Variants in ALDH18A1 observed in about 807,000 individuals in gnomAD.
ALDH18A1 encodes delta-1-pyrroline-5-carboxylate synthase.
A neutral mutation model predicts 88.8 loss-of-function variants in ALDH18A1; 44 were observed. The observed-to-expected ratio is 0.50, with a 90% CI of 0.39 to 0.64. The LOEUF (loss-of-function observed/expected upper bound fraction) is 0.64. ALDH18A1 is among the 30% of genes least tolerant of loss of function. The pLI, the probability that ALDH18A1 is intolerant of heterozygous loss-of-function variation, is 0.00. For missense variants in ALDH18A1, 782 were observed against 1,009.5 expected (o/e 0.77, Z 3.05); for synonymous variants, 331 against 372.1 (o/e 0.89, Z 1.27).
chr10:95,618,422 G>A (rs1224546290), intron 12 of ALDH18A1, among the ~76,000 whole-genome samples: 1 of 152,192 alleles, frequency 6.6e-6, no homozygotes, highest in African/African-American at 2.4e-5. Context: ...CTGGGTTCAA[G>A]TGATTCCCCT....
intron 13 of ALDH18A1, 52 bp from the exon 14 acceptor site, chr10:95,614,213 A>G (rs1314020343): frequency 6.4e-7 from 1 of 1,567,200 alleles, no homozygotes; most frequent in East Asian, 2.2e-5. Context: ...CACACAAAAT[A>G]TAAAAACAGC....
intron 2 of ALDH18A1, among the ~76,000 whole-genome samples, chr10:95,645,537 G>A (rs974697344): frequency 2.0e-5 from 3 of 152,174 alleles, no homozygotes; most frequent in Non-Finnish European, 2.9e-5. Context: ...ATGGGAAGGC[G>A]ACTATGGGTT....
intron 9 of ALDH18A1, 61 bp downstream of exon 9, chr10:95,627,377 TCTAA>T: frequency 1.3e-6 from 2 of 1,593,020 alleles, no homozygotes; most frequent in Admixed American, 1.7e-5. Flanking sequence ...TTTTGTGATC[TCTAA>T]CTAAGCCAGG....
chr10:95,641,907 G>A (rs191605226), intron 3 of ALDH18A1, among the ~76,000 whole-genome samples: 6 of 152,204 alleles, frequency 3.9e-5, no homozygotes, highest in Middle Eastern at 3.4e-3. Flanking sequence ...CTTCCAAAGC[G>A]CTGGGATTAC....
intron 2 of ALDH18A1, among the ~76,000 whole-genome samples, chr10:95,651,509 T>C (rs535975457): frequency 6.6e-6 from 1 of 152,338 alleles, no homozygotes. Context: ...GGCTCATAGT[T>C]CTGTGGGCTG....
intron 2 of ALDH18A1, among the ~76,000 whole-genome samples, chr10:95,652,513 A>G (rs2097911900): frequency 6.6e-6 from 1 of 152,138 alleles, no homozygotes. Context: ...AGGCGGGCAG[A>G]TCACCTGAGG....
chr10:95,637,245 G>C (rs766703747), intron 4 of ALDH18A1, 42 bp downstream of exon 4: 1 of 1,614,208 alleles, frequency 6.2e-7, no homozygotes, highest in East Asian at 2.2e-5. Context: ...GAGGGAAGAA[G>C]ACCTGAAGAT....
rs1366116777 is a variant in ALDH18A1 at position 95,653,380 on chromosome 10, T to C, written c.-3A>G. ...CAGCGGTAAACTTGACTCAACATGC[T>C]GCGATGTGGTCACTAACCAAAGTAT... On this transcript the variant is annotated 5_prime_UTR_variant, in exon 2 of 18. Transcript: ENST00000371224. 1 of 1,613,448 alleles carries C rather than the reference T, an allele frequency of 6.2e-7. No homozygotes were observed. The highest frequency in any genetic ancestry group is 8.5e-7 in the Non-Finnish European group (1 of 1,179,942).
chr10:95,651,447 C>T (rs2097910316), intron 2 of ALDH18A1, among the ~76,000 whole-genome samples: 1 of 152,162 alleles, frequency 6.6e-6, no homozygotes, highest in Non-Finnish European at 1.5e-5. Flanking sequence ...TCTTGCATTG[C>T]TGTAAAGAAA....
chr10:95,606,289 T>A lies in ALDH18A1; in HGVS notation c.*473A>T. 1.0e-6 allele frequency: 1 copy of A among 1,001,798 alleles called. No individual in the cohort carries two copies. The highest frequency in any genetic ancestry group is 1.7e-5 in the African/African-American group (1 of 57,562). The allele number at this position is 1,001,798 out of a possible 1,614,324, so 62.1% of individuals were successfully genotyped here. A position where few individuals can be genotyped will look rare whatever the true frequency, so the allele number is the denominator to read the frequency against. On this transcript the variant is annotated 3_prime_UTR_variant, in exon 18 of 18. Transcript: ENST00000371224. ...GATTTTTGTGACTTTCTGATGAGAA[T>A]GCTAAAAAGAAGAGTTGCCCCTTTT... is the stretch of plus-strand genomic sequence containing the variant.
Position 95,621,124 on chromosome 10 carries a change from G to T in ALDH18A1, c.1374C>A (p.Thr458=), listed in dbSNP as rs1392328763. Reference sequence around the variant, plus strand: ...CCAGTTCCAAGTTTTTGGCGATTCGGGTGCGGCGCAAAACACGTCCCACGC... The same window carrying T: ...CCAGTTCCAAGTTTTTGGCGATTCGTGTGCGGCGCAAAACACGTCCCACGC... The part of the protein sequence containing the change: ...QDSVGRVLRR[T]RIAKNLELEQ... The change falls in exon 12 of 18, where the codon ACC becomes ACA. Residue 458 remains threonine, a synonymous_variant. Coordinates refer to ENST00000371224, the MANE Select transcript of ALDH18A1 (RefSeq NM_002860.4). 1.2e-6 allele frequency: 2 copies of T among 1,613,986 alleles called. No individual in the cohort carries two copies. Among genetic ancestry groups the T allele is most frequent in the Non-Finnish European group, 8.5e-7 (1 of 1,180,008 alleles).
At chr10:95,648,894 T>C (rs2097905388) in intron 2 of ALDH18A1, among the ~76,000 whole-genome samples, 3 of 152,218 alleles carry the variant, frequency 2.0e-5, no homozygotes, top group Admixed American at 2.0e-4. Flanking sequence ...GACAGTTGTT[T>C]TAAGCTACGA....
At chr10:95,635,938 G>T (rs1289985000) in intron 5 of ALDH18A1, among the ~76,000 whole-genome samples, 1 of 151,738 alleles carries the variant, frequency 6.6e-6, no homozygotes, top group Admixed American at 6.6e-5. Flanking sequence ...GGACTGTGAA[G>T]AGAAACCAAA....
intron 6 of ALDH18A1, 115 bp from the exon 7 acceptor site, chr10:95,633,164 GA>G (rs2097873863): frequency 3.2e-6 from 3 of 927,136 alleles, no homozygotes; most frequent in Non-Finnish European, 5.2e-6. Flanking sequence ...CAAAACCAAT[GA>G]ACCCAAATAT....
At chr10:95,649,427 T>C (rs1007579855) in intron 2 of ALDH18A1, among the ~76,000 whole-genome samples, 4 of 148,224 alleles carry the variant, frequency 2.7e-5, no homozygotes, top group African/African-American at 1.0e-4. Context: ...CTATCTTGGC[T>C]CACTGCAAGC....
intron 3 of ALDH18A1, among the ~76,000 whole-genome samples, chr10:95,641,664 G>C (rs1356114591): frequency 6.6e-6 from 1 of 151,720 alleles, no homozygotes; most frequent in Non-Finnish European, 1.5e-5. Flanking sequence ...TTTGAGACAG[G>C]GTCTTGCTCT....
chr10:95,639,877 T>C (rs1178655570), intron 3 of ALDH18A1, among the ~76,000 whole-genome samples: 1 of 152,062 alleles, frequency 6.6e-6, no homozygotes, highest in Non-Finnish European at 1.5e-5. Context: ...ATGGTATTAA[T>C]ACTGCTCTTT....
At chr10:95,645,869 G>A (rs2097900513) in intron 2 of ALDH18A1, among the ~76,000 whole-genome samples, 1 of 152,138 alleles carries the variant, frequency 6.6e-6, no homozygotes, top group South Asian at 2.1e-4. Flanking sequence ...AAGTTTTATG[G>A]AGTGCTACTT....
intron 1 of ALDH18A1, among the ~76,000 whole-genome samples, chr10:95,655,568 C>T (rs1018489362): frequency 1.3e-5 from 2 of 151,952 alleles, no homozygotes; most frequent in Non-Finnish European, 2.9e-5. Flanking sequence ...AGATTGAAGA[C>T]TGACGTAGAA....
Sources: allele counts gnomAD v4.1 joint callset (sites outside exome capture counted in the v4.1 genomes callset), GRCh38; gene constraint gnomAD v4.1.1; transcripts MANE v1.5; gene names NCBI Gene and HGNC (gene_info 2026-07-23, HGNC 2026-07-21).